ITFG1: variants seen among roughly 807,000 people sequenced by gnomAD.
ITFG1 encodes T-cell immunomodulatory protein.
In ITFG1, 34 loss-of-function variants were observed where a neutral mutation model predicts 81.8. That is an observed-to-expected ratio of 0.42 (90% CI 0.32 to 0.55). ITFG1 has a LOEUF of 0.55. Among genes scored for constraint, ITFG1 ranks in the 20% least tolerant of loss-of-function variants. The pLI is 0.17. For synonymous variants in ITFG1, 285 were observed against 270.6 expected (o/e 1.05, Z -0.52); for missense variants, 672 against 755.4 (o/e 0.89, Z 1.29).
chr16:47,316,707 A>C (rs1596888043), intron 8 of ITFG1, among the ~76,000 whole-genome samples: 3 of 152,172 alleles, frequency 2.0e-5, no homozygotes, highest in African/African-American at 4.8e-5. Context: ...TAATTTGCAT[A>C]TCTTTTAAAT....
chr16:47,423,362 C>T (rs996353069), intron 6 of ITFG1, among the ~76,000 whole-genome samples: 2 of 151,536 alleles, frequency 1.3e-5, no homozygotes, highest in African/African-American at 4.9e-5. Context: ...GAATACAGCA[C>T]ATCAATGGGT....
At chr16:47,232,873 T>C (rs1316573071) in intron 13 of ITFG1, among the ~76,000 whole-genome samples, 1 of 152,058 alleles carries the variant, frequency 6.6e-6, no homozygotes, top group Non-Finnish European at 1.5e-5. Context: ...ACTCCTGGGC[T>C]CAAGAGATCC....
intron 14 of ITFG1, among the ~76,000 whole-genome samples, chr16:47,190,269 T>C (rs1965276172): frequency 1.3e-5 from 2 of 152,160 alleles, no homozygotes; most frequent in Admixed American, 6.5e-5. Flanking sequence ...GGATAAAAGA[T>C]GCTTACCTAC....
intron 14 of ITFG1, among the ~76,000 whole-genome samples, chr16:47,186,460 G>C (rs1473699793): frequency 1.3e-5 from 2 of 152,012 alleles, no homozygotes; most frequent in African/African-American, 2.4e-5. Context: ...TTCAATATAC[G>C]CAAATCAATA....
At chr16:47,230,249 G>T (rs183179530) in intron 13 of ITFG1, among the ~76,000 whole-genome samples, 6,615 of 152,188 alleles carry the variant, frequency 0.043, 198 homozygotes, top group Middle Eastern at 0.088. Context: ...CGGAAGAATG[G>T]ACAGAGAGGT....
intron 8 of ITFG1, among the ~76,000 whole-genome samples, chr16:47,352,327 T>A (rs1430977623): frequency 6.6e-6 from 1 of 152,004 alleles, no homozygotes; most frequent in South Asian, 2.1e-4. Context: ...AGGGGTAATA[T>A]CCCAAATCTA....
chr16:47,396,902 G>T (rs1968601108), intron 6 of ITFG1, among the ~76,000 whole-genome samples: 1 of 152,120 alleles, frequency 6.6e-6, no homozygotes, highest in South Asian at 2.1e-4. Context: ...AGGTGGGGAG[G>T]TCCTGGTGCT....
rs546116153 is a variant in ITFG1, at chr16:47,176,479, G to T, written c.1454-13815C>A. Among the ~76,000 whole-genome samples the T allele has an allele frequency of 2.6e-5, 4 of 152,308 alleles. No individual in the cohort carries two copies. The East Asian group carries it at 7.7e-4, about 29-fold the overall frequency. On this transcript the variant is annotated intron_variant, in intron 14 of 17. Transcript: ENST00000320640. The stretch of plus-strand genomic sequence containing the variant: ...ACTCTGAAAGAAAAATATATTCACA[G>T]ATAGCTTTAATATTAAACATATGTC...
chr16:47,192,817 G>C lies in ITFG1; in HGVS notation c.1453+26051C>G, dbSNP rs183366821. 1.8e-4 allele frequency among the ~76,000 whole-genome samples: 28 copies of C among 152,286 alleles called. 1 individual carries two copies. The East Asian group carries it at 5.4e-3, about 29-fold the overall frequency. ...CCTCTACACACACAGAAACACAAGGGCATTTTCCCCTCAGCTTTTGACCCT... is the reference window on the plus strand; with the variant it reads ...CCTCTACACACACAGAAACACAAGGCCATTTTCCCCTCAGCTTTTGACCCT... On this transcript the variant is annotated intron_variant, in intron 14 of 17. Coordinates refer to ENST00000320640, the MANE Select transcript of ITFG1 (RefSeq NM_030790.5).
chr16:47,364,571 C>T (rs1968151237), intron 8 of ITFG1, among the ~76,000 whole-genome samples: 2 of 152,084 alleles, frequency 1.3e-5, no homozygotes, highest in Admixed American at 1.3e-4. Flanking sequence ...TCAAATTAGC[C>T]AGAAAATTCC....
chr16:47,202,100 C>T (rs1965431670), intron 14 of ITFG1: 1 of 152,166 alleles, frequency 6.6e-6, no homozygotes, highest in Non-Finnish European at 1.5e-5. Context: ...GTAAATAGTA[C>T]TCCCTGTCAC....
intron 13 of ITFG1, among the ~76,000 whole-genome samples, chr16:47,232,624 G>A (rs180690751): frequency 1.4e-4 from 21 of 150,988 alleles, no homozygotes; most frequent in African/African-American, 5.1e-4. Context: ...AGAATTTTAT[G>A]TTATTTGTTC....
intron 10 of ITFG1, among the ~76,000 whole-genome samples, chr16:47,307,135 G>A (rs371437674): frequency 2.4e-5 from 2 of 83,796 alleles, no homozygotes; most frequent in African/African-American, 9.4e-5. Flanking sequence ...GGAGAAAGAA[G>A]CCTTTATCAA....
chr16:47,381,568 CTT>C, intron 6 of ITFG1, among the ~76,000 whole-genome samples: 1 of 152,144 alleles, frequency 6.6e-6, no homozygotes, highest in Admixed American at 6.5e-5. Flanking sequence ...AGTATCATAA[CTT>C]ATACTGTTTC....
At position 47,155,355 on chromosome 16, in the gene ITFG1, C is replaced by A; in HGVS notation, c.*364G>T. The stretch of plus-strand genomic sequence containing the variant: ...GCATCATTAGAATAAGAAGCAAGAC[C>A]AAGTCAAGTGGACACAAAAATTCCT... On this transcript the variant is annotated 3_prime_UTR_variant, in exon 18 of 18. Transcript: ENST00000320640. 6.2e-6 allele frequency: 1 copy of A among 161,396 alleles called. No homozygotes were observed. The allele number at this position is 161,396 out of a possible 1,614,324, so 10.0% of individuals were successfully genotyped here. A position where few individuals can be genotyped will look rare whatever the true frequency, so the allele number is the denominator to read the frequency against.
intron 5 of ITFG1, among the ~76,000 whole-genome samples, chr16:47,436,377 T>C (rs1423612528): frequency 6.6e-6 from 1 of 152,192 alleles, no homozygotes; most frequent in Non-Finnish European, 1.5e-5. Context: ...AAAAACTCCC[T>C]TTGAAGTTGA....
At chr16:47,186,431 C>T (rs1189422942) in intron 14 of ITFG1, among the ~76,000 whole-genome samples, 2 of 152,142 alleles carry the variant, frequency 1.3e-5, no homozygotes, top group East Asian at 3.8e-4. Context: ...TGGGCTTCAT[C>T]CCTGGGATGC....
At chr16:47,160,187 TAAAAA>T (rs34363166) in intron 16 of ITFG1, among the ~76,000 whole-genome samples, 1 of 115,540 alleles carries the variant, frequency 8.7e-6, no homozygotes, top group African/African-American at 3.2e-5. Flanking sequence ...AGTGTTTTGG[TAAAAA>T]AAAAAAAAAA....
intron 4 of ITFG1, 30 bp from the exon 5 acceptor site, chr16:47,451,500 AT>A (rs1323508222): frequency 1.6e-5 from 19 of 1,168,910 alleles, no homozygotes; most frequent in Non-Finnish European, 2.3e-5. Context: ...ATAAGCAGCT[AT>A]TTCTTTAAAT....
Sources: gnomAD v4.1 joint callset for allele counts (sites outside exome capture counted in the v4.1 genomes callset) on GRCh38, gnomAD v4.1.1 for gene constraint, MANE v1.5 for transcripts, NCBI Gene and HGNC (gene_info 2026-07-23, HGNC 2026-07-21) for gene names.